The following FOXP1 variants were observed in gnomAD, a reference collection of about 807,000 sequenced individuals.
The protein encoded by FOXP1 is forkhead box P1, also known as forkhead box protein P1.
Under a neutral mutation model 98.2 loss-of-function variants are expected in FOXP1, and 15 were observed. The ratio of observed to expected loss-of-function variants is 0.15; its 90% CI spans 0.10 to 0.24. The LOEUF is 0.24. Among genes scored for constraint, FOXP1 ranks in the 10% least tolerant of loss-of-function variants. The pLI is 1.00. For missense variants in FOXP1, 633 were observed against 848.5 expected (o/e 0.75, Z 3.15); for synonymous variants, 371 against 314.5 (o/e 1.18, Z -1.90).
At chr3:71,134,214 A>G (rs1197441904) in intron 6 of FOXP1, among the ~76,000 whole-genome samples, 1 of 152,196 alleles carries the variant, frequency 6.6e-6, no homozygotes, top group Non-Finnish European at 1.5e-5. Context: ...TGGCCGTTAG[A>G]GCAGCCAAAA....
intron 11 of FOXP1, among the ~76,000 whole-genome samples, chr3:71,036,770 A>G (rs570175033): frequency 8.8e-4 from 134 of 152,318 alleles, no homozygotes; most frequent in African/African-American, 3.2e-3. Flanking sequence ...CCGCTTCATG[A>G]AAGGCCTGGT....
At chr3:71,129,866 C>T (rs927251389) in intron 6 of FOXP1, among the ~76,000 whole-genome samples, 1 of 152,160 alleles carries the variant, frequency 6.6e-6, no homozygotes, top group Non-Finnish European at 1.5e-5. Flanking sequence ...TTGAAAAGAG[C>T]CTTCCAACAT....
In FOXP1 at chr3:71,131,551, C is replaced by T. The variant is rs984758614; in HGVS notation, c.181-18914G>A. Among the ~76,000 whole-genome samples, 3 of 152,158 alleles carry T rather than the reference C, an allele frequency of 2.0e-5. No individual in the cohort carries two copies. In the South Asian group the frequency reaches 6.2e-4, roughly 32 times the overall value. On this transcript the variant is annotated intron_variant, in intron 6 of 20. Transcript: ENST00000649528. ...CTGTCATCCAGGTGCTAATACTCGGCTAAAATAACTCATTGGGAGCTGTCA... is the reference window on the plus strand; with the variant it reads ...CTGTCATCCAGGTGCTAATACTCGGTTAAAATAACTCATTGGGAGCTGTCA...
At chr3:71,038,846 A>G (rs1161802085) in intron 11 of FOXP1, among the ~76,000 whole-genome samples, 2 of 151,968 alleles carry the variant, frequency 1.3e-5, no homozygotes, top group Non-Finnish European at 2.9e-5. Flanking sequence ...AAAAAGTTTA[A>G]TGGAAATTGG....
chr3:71,101,887 A>G (rs72947456), intron 7 of FOXP1, among the ~76,000 whole-genome samples: 1 of 152,174 alleles, frequency 6.6e-6, no homozygotes, highest in East Asian at 1.9e-4. Flanking sequence ...AAGTTCTTCA[A>G]TGGGACATAA....
intron 4 of FOXP1, among the ~76,000 whole-genome samples, chr3:71,307,369 T>C (rs2074353308): frequency 1.3e-5 from 2 of 152,240 alleles, no homozygotes; most frequent in African/African-American, 4.8e-5. Context: ...TGAAGATCAC[T>C]GAAAAGTTTT....
At chr3:71,198,442 A>G in intron 5 of FOXP1, 50 bp from the exon 6 acceptor site, 1 of 1,304,630 alleles carries the variant, frequency 7.7e-7, no homozygotes, top group South Asian at 1.2e-5. Flanking sequence ...GAGAAAAAAA[A>G]AGCAGCTGTT....
intron 6 of FOXP1, among the ~76,000 whole-genome samples, chr3:71,162,402 T>C (rs2061182402): frequency 6.6e-6 from 1 of 152,242 alleles, no homozygotes; most frequent in Non-Finnish European, 1.5e-5. Context: ...TCTACTGATA[T>C]AAGCATTGTC....
At chr3:71,316,137 G>A (rs758390664) in intron 4 of FOXP1, among the ~76,000 whole-genome samples, 1 of 152,148 alleles carries the variant, frequency 6.6e-6, no homozygotes, top group African/African-American at 2.4e-5. Context: ...ATCCAGGCTC[G>A]TCACTGGTAC....
chr3:71,308,802 TGTGTGG>T (rs1453840879), intron 4 of FOXP1, among the ~76,000 whole-genome samples: 50 of 118,586 alleles, frequency 4.2e-4, no homozygotes, highest in Admixed American at 2.6e-3. Context: ...TGTGTGTGTG[TGTGTGG>T]GTGAGGGGGG....
chr3:71,020,241 T>A (rs989943756), intron 11 of FOXP1, among the ~76,000 whole-genome samples: 4 of 152,212 alleles, frequency 2.6e-5, no homozygotes, highest in African/African-American at 9.6e-5. Context: ...TAATTACATA[T>A]AAATATGTAA....
intron 13 of FOXP1, among the ~76,000 whole-genome samples, chr3:70,996,414 C>T (rs1200653346): frequency 6.6e-6 from 1 of 152,214 alleles, no homozygotes; most frequent in African/African-American, 2.4e-5. Context: ...CTCACCAGTA[C>T]AGCCTTGAAA....
At chr3:71,298,386 A>G (rs1576839879) in intron 5 of FOXP1, among the ~76,000 whole-genome samples, 2 of 151,468 alleles carry the variant, frequency 1.3e-5, no homozygotes, top group African/African-American at 4.9e-5. Flanking sequence ...AATCACTTGA[A>G]CCCGGGAGGC....
intron 3 of FOXP1, among the ~76,000 whole-genome samples, chr3:71,381,211 T>G (rs1171917231): frequency 2.0e-5 from 3 of 150,266 alleles, no homozygotes; most frequent in Non-Finnish European, 4.4e-5. Context: ...AGTTCAGTGA[T>G]GTGATCTCGG....
At chr3:70,986,121 T>G (rs978451011) in intron 14 of FOXP1, among the ~76,000 whole-genome samples, 4 of 152,210 alleles carry the variant, frequency 2.6e-5, no homozygotes, top group Non-Finnish European at 5.9e-5. Flanking sequence ...AAACATTTTT[T>G]TTTAATACTA....
At chr3:71,331,884 AT>A (rs1389529611) in intron 4 of FOXP1, among the ~76,000 whole-genome samples, 1 of 94,300 alleles carries the variant, frequency 1.1e-5, no homozygotes, top group African/African-American at 2.9e-5. Flanking sequence ...TATCTAGCTA[AT>A]CTAGTGGGGA....
At chr3:71,272,692 T>G (rs546190929) in intron 5 of FOXP1, among the ~76,000 whole-genome samples, 1 of 152,284 alleles carries the variant, frequency 6.6e-6, no homozygotes, top group East Asian at 1.9e-4. Flanking sequence ...CAGTCAAGCG[T>G]TACACCAAAG....
intron 18 of FOXP1, chr3:70,971,894 G>C (rs950229116): frequency 2.7e-6 from 2 of 733,798 alleles, no homozygotes; most frequent in Non-Finnish European, 4.0e-6. Context: ...ATTTAGTTTC[G>C]TTGCAGAAAG....
At chr3:71,478,766 T>C (rs2090048327) in intron 3 of FOXP1, among the ~76,000 whole-genome samples, 1 of 152,200 alleles carries the variant, frequency 6.6e-6, no homozygotes, top group African/African-American at 2.4e-5. Flanking sequence ...GCACCTTACA[T>C]GTGTCACCAA....
Sources: gnomAD v4.1 joint callset for allele counts (sites outside exome capture counted in the v4.1 genomes callset) on GRCh38, gnomAD v4.1.1 for gene constraint, MANE v1.5 for transcripts, NCBI Gene and HGNC (gene_info 2026-07-23, HGNC 2026-07-21) for gene names.